Variants in ATP2A1 observed in about 807,000 individuals in gnomAD.
ATP2A1 encodes the protein ATPase sarcoplasmic/endoplasmic reticulum Ca2+ transporting 1, also known as sarcoplasmic/endoplasmic reticulum calcium ATPase 1.
A neutral mutation model predicts 109.5 loss-of-function variants in ATP2A1; 83 were observed. That is an observed-to-expected ratio of 0.76 (90% confidence interval 0.63 to 0.91). The LOEUF (loss-of-function observed/expected upper bound fraction) is 0.91. Ranked by LOEUF, ATP2A1 falls within the 40% of genes least tolerant of loss-of-function variation. The probability of loss-of-function intolerance (pLI) is 0.00; values close to 1 mark genes in which losing one functional copy is unlikely to be tolerated. For synonymous variants in ATP2A1, 505 were observed against 537.6 expected, an observed-to-expected ratio of 0.94 and a Z score of 0.84; for missense variants, 1,101 against 1,341.0, an observed-to-expected ratio of 0.82 and a Z score of 2.80.
In ATP2A1 at chr16:28,880,158, C is replaced by T. The variant is rs776782531; in HGVS notation, c.219+575C>T. 1.0e-6 allele frequency: 1 copy of T among 990,194 alleles called. No homozygotes were observed. The highest frequency in any genetic ancestry group is 1.2e-6 in the Non-Finnish European group (1 of 832,818). 61.3% of individuals were successfully genotyped at this position (990,194 alleles called of 1,614,324 possible). A position where few individuals can be genotyped will look rare whatever the true frequency, so the allele number is the denominator to read the frequency against. On this transcript the variant is annotated intron_variant, in intron 3 of 22. Transcript: ENST00000395503. This position sits in a 1 kb window ranked among gnomAD's most constrained non-coding sequence, Gnocchi z 4.2. Reference sequence around the variant, plus strand: ...CCTGGCCTTAGCCCTTCCCCGCGCTCCCTAGGCACCCCCACCCCCGCAGGG... The same window carrying T: ...CCTGGCCTTAGCCCTTCCCCGCGCTTCCTAGGCACCCCCACCCCCGCAGGG...
Position 28,903,450 on chromosome 16 carries a change from G to A in ATP2A1, c.2980+10G>A, listed in dbSNP as rs1415400627. 3 of 1,601,622 alleles carry A rather than the reference G, an allele frequency of 1.9e-6. No individual in the cohort carries two copies. The highest frequency in any genetic ancestry group is 1.7e-4 in the Middle Eastern group (1 of 6,042). ...CGGAACTACCTAGAGGGTAAGGAGTGCCCTCTCTGTCCCAAGCCCTGGCCC... is the reference window on the plus strand; with the variant it reads ...CGGAACTACCTAGAGGGTAAGGAGTACCCTCTCTGTCCCAAGCCCTGGCCC... On this transcript the variant is annotated intron_variant, in intron 21 of 22. Coordinates refer to ENST00000395503, the MANE Select transcript of ATP2A1 (RefSeq NM_004320.6). This position sits in a 1 kb window ranked among gnomAD's most constrained non-coding sequence, Gnocchi z 5.6.
At chr16:28,887,369 A>G in intron 7 of ATP2A1, 56 bp from the exon 8 acceptor site, 3 of 1,612,722 alleles carry the variant, frequency 1.9e-6, no homozygotes, top group Admixed American at 3.3e-5. Flanking sequence ...GCGTGGGGAG[A>G]TGCGGCATGA....
chr16:28,883,441 A>T lies in ATP2A1; in HGVS notation c.463+852A>T, dbSNP rs1963541585. ...TAAATATCACGCGGGCTTGGGTGAC[A>T]GGGTGTCCCGCCCGACTCTATCCCG... On this transcript the variant is annotated intron_variant, in intron 5 of 22. Transcript: ENST00000395503. This position sits in a 1 kb window ranked among gnomAD's most constrained non-coding sequence, Gnocchi z 5.2. Among the ~76,000 whole-genome samples the T allele has an allele frequency of 6.6e-6, 1 of 152,120 alleles. No individual in the cohort carries two copies. Among genetic ancestry groups the T allele is most frequent in the Admixed American group, 6.5e-5 (1 of 15,274 alleles).
Position 28,898,392 on chromosome 16 carries a change from A to C in ATP2A1, c.1705A>C (p.Thr569Pro). The change falls in exon 14 of 23, where the codon ACC becomes CCC. Residue 569 changes from threonine (T) to proline (P), a missense_variant. Coordinates refer to ENST00000395503, the MANE Select transcript of ATP2A1 (RefSeq NM_004320.6). The surrounding 1 kb of genome is among the most constrained non-coding windows in gnomAD (Gnocchi z 4.0). ...CTGCTTGGCCCTGGCCACCCGGGAC[A>C]CCCCCCCGAAGCGAGAGGAAATGGT... is the stretch of plus-strand genomic sequence containing the variant. ...LRCLALATRDTPPKREEMVLD... is the reference protein window; with the variant it reads ...LRCLALATRDPPPKREEMVLD... The C allele has an allele frequency of 6.2e-7, 1 of 1,613,754 alleles. No individual in the cohort carries two copies. The highest frequency in any genetic ancestry group is 8.5e-7 in the Non-Finnish European group (1 of 1,179,968).
intron 2 of ATP2A1, 41 bp from the exon 3 acceptor site, chr16:28,879,445 CAGACCTTCACCCACT>C: frequency 6.5e-7 from 1 of 1,547,644 alleles, no homozygotes. Flanking sequence ...CGCTCCATCC[CAGACCTTCACCCACT>C]AGACCTTAAC....
intron 8 of ATP2A1, among the ~76,000 whole-genome samples, chr16:28,887,989 T>TA (rs955635540): frequency 2.6e-5 from 4 of 151,704 alleles, no homozygotes; most frequent in Non-Finnish European, 5.9e-5. Flanking sequence ...TTTTAGTAGA[T>TA]ACGGGGTTTC....
intron 15 of ATP2A1, among the ~76,000 whole-genome samples, chr16:28,901,242 G>A (rs1964064317): frequency 6.6e-6 from 1 of 151,522 alleles, no homozygotes; most frequent in Admixed American, 6.6e-5. Context: ...AGCCTGAGGT[G>A]GATCACTTGA....
At chr16:28,897,524 TAAAC>T (rs1278326338) in intron 12 of ATP2A1, among the ~76,000 whole-genome samples, 4 of 152,138 alleles carry the variant, frequency 2.6e-5, no homozygotes, top group South Asian at 2.1e-4. Context: ...TAAAAATAAA[TAAAC>T]AAACAATGAA....
intron 9 of ATP2A1, 92 bp from the exon 10 acceptor site, chr16:28,894,063 A>G: frequency 9.7e-7 from 1 of 1,026,544 alleles, no homozygotes; most frequent in Non-Finnish European, 1.5e-6. Flanking sequence ...GTGGGAAGGT[A>G]GGTGTTGGCA....
At chr16:28,879,727 G>C (rs1963400412) in intron 3 of ATP2A1, 144 bp downstream of exon 3, 1 of 990,760 alleles carries the variant, frequency 1.0e-6, no homozygotes, top group African/African-American at 1.6e-5. Context: ...GCAGCAGCGG[G>C]TGTGATTCGC....
chr16:28,878,938 A>C (rs1963360582), intron 1 of ATP2A1, 149 bp downstream of exon 1: 1 of 1,334,882 alleles, frequency 7.5e-7, no homozygotes, highest in Non-Finnish European at 1.1e-6. Context: ...GAAGATACTG[A>C]GAAAACAGAG....
intron 15 of ATP2A1, 128 bp downstream of exon 15, chr16:28,901,044 A>G: frequency 1.6e-6 from 2 of 1,264,662 alleles, no homozygotes; most frequent in East Asian, 4.9e-5. Context: ...TCAGACCCCA[A>G]GGAAGAGTCT....
chr16:28,900,020 C>T (rs1199682545), intron 14 of ATP2A1, among the ~76,000 whole-genome samples: 4 of 149,350 alleles, frequency 2.7e-5, no homozygotes, highest in African/African-American at 9.9e-5. Context: ...TTGGGCTGGG[C>T]GTGGTAGCTT....
Position 28,901,969 on chromosome 16 carries a change from C to A in ATP2A1, c.2207C>A (p.Ala736Asp). The change falls in exon 16 of 23, where the codon GCT (alanine) becomes GAT (aspartate). Residue 736 changes from alanine to aspartate, a missense_variant. Coordinates refer to ENST00000395503, the MANE Select transcript of ATP2A1 (RefSeq NM_004320.6). ...VAKTASEMVL[A>D]DDNFSTIVAA... is the part of the protein sequence containing the mutation. ...AAGACTGCCTCTGAGATGGTGCTGG[C>A]TGACGACAACTTCTCCACCATCGTA... is the stretch of plus-strand genomic sequence containing the variant. The A allele has an allele frequency of 6.2e-7, 1 of 1,614,218 alleles. No homozygotes were observed. The highest frequency in any genetic ancestry group is 8.5e-7 in the Non-Finnish European group (1 of 1,180,042).
chr16:28,901,984 C>A lies in ATP2A1; in HGVS notation c.2222C>A (p.Ser741Tyr). ...SEMVLADDNF[S>Y]TIVAAVEEGR... Reference sequence around the variant, plus strand: ...ATGGTGCTGGCTGACGACAACTTCTCCACCATCGTAGCTGCTGTGGAGGAG... The same window carrying A: ...ATGGTGCTGGCTGACGACAACTTCTACACCATCGTAGCTGCTGTGGAGGAG... Residue 741 changes from serine to tyrosine, a missense_variant, in exon 16 of 23, where the codon TCC becomes TAC. By Grantham distance (144) the Ser-to-Tyr change is moderately radical. Transcript: ENST00000395503. 6.2e-7 allele frequency: 1 copy of A among 1,614,214 alleles called. No homozygotes were observed. Among genetic ancestry groups the A allele is most frequent in the Non-Finnish European group, 8.5e-7 (1 of 1,180,040 alleles).
chr16:28,903,696 A>G lies in ATP2A1; in HGVS notation c.2981-4A>G, dbSNP rs761447946. ...ACAGTGCCTCTTGTCCTCTCTGGCC[A>G]TAGGATAACTGTTCCCCCTCCTCCA... On this transcript the variant is annotated splice_region_variant and splice_polypyrimidine_tract_variant and intron_variant, in intron 21 of 22. Coordinates refer to ENST00000395503, the MANE Select transcript of ATP2A1 (RefSeq NM_004320.6). This position sits in a 1 kb window ranked among gnomAD's most constrained non-coding sequence, Gnocchi z 5.6. 12 of 1,611,970 alleles carry G rather than the reference A, an allele frequency of 7.4e-6. No individual in the cohort carries two copies. The highest frequency in any genetic ancestry group is 6.6e-5 in the South Asian group (6 of 91,016).
At chr16:28,888,338 A>T (rs1183358722) in intron 8 of ATP2A1, among the ~76,000 whole-genome samples, 1 of 151,054 alleles carries the variant, frequency 6.6e-6, no homozygotes, top group Non-Finnish European at 1.5e-5. Context: ...TGGCCCAAAG[A>T]CCCCTTTTCC....
intron 9 of ATP2A1, among the ~76,000 whole-genome samples, chr16:28,893,257 G>A (rs1163220933): frequency 6.6e-6 from 1 of 151,106 alleles, no homozygotes; most frequent in African/African-American, 2.4e-5. Flanking sequence ...GAGAGCAAGA[G>A]AGACAGGCAT....
Position 28,898,731 on chromosome 16 carries a change from C to T in ATP2A1, c.1764+280C>T, listed in dbSNP as rs1371847336. The stretch of plus-strand genomic sequence containing the variant: ...CCAGCCTGGGCAATGAAGTGAGAAC[C>T]CCATCTCTATTAAAAAAAAAATTTT... On this transcript the variant is annotated intron_variant, in intron 14 of 22. Coordinates refer to ENST00000395503, the MANE Select transcript of ATP2A1 (RefSeq NM_004320.6). This position sits in a 1 kb window ranked among gnomAD's most constrained non-coding sequence, Gnocchi z 4.0. Among the ~76,000 whole-genome samples the T allele has an allele frequency of 7.2e-6, 1 of 138,836 alleles. No homozygotes were observed. The highest frequency in any genetic ancestry group is 7.5e-5 in the Admixed American group (1 of 13,274). 91.1% of individuals were successfully genotyped at this position (138,836 alleles called of 152,430 possible).
Sources: allele counts gnomAD v4.1 joint callset (sites outside exome capture counted in the v4.1 genomes callset), GRCh38; gene constraint gnomAD v4.1.1; non-coding constraint Gnocchi (gnomAD v3.1); transcripts MANE v1.5; gene names NCBI Gene and HGNC (gene_info 2026-07-23, HGNC 2026-07-21).